Variants in SLC18A1 observed in about 807,000 individuals in gnomAD.
SLC18A1 encodes the protein solute carrier family 18 member A1.
SLC18A1 carries 69 observed loss-of-function variants against 53.7 expected under a neutral mutation model. The observed-to-expected ratio is 1.28, with a 90% CI of 1.06 to 1.57. The LOEUF (loss-of-function observed/expected upper bound fraction) is 1.57, where lower values mean the gene tolerates loss of function less well. Ranked by LOEUF, SLC18A1 falls within the 40% of genes most tolerant of loss-of-function variation. The probability of loss-of-function intolerance (pLI) is 0.00; values close to 1 mark genes in which losing one functional copy is unlikely to be tolerated. For missense variants in SLC18A1, 932 were observed against 668.1 expected, an observed-to-expected ratio of 1.40 and a Z score of -4.35; for synonymous variants, 320 against 248.1, an observed-to-expected ratio of 1.29 and a Z score of -2.72.
chr8:20,166,289 CTATATATATATATATATATATA>C (rs1181101416), intron 8 of SLC18A1, among the ~76,000 whole-genome samples: 1 of 107,256 alleles, frequency 9.3e-6, no homozygotes, highest in Non-Finnish European at 1.9e-5. Flanking sequence ...GTGTGTGTGT[CTATATATATATATATATATATA>C]TATATATATA....
intron 4 of SLC18A1, 118 bp downstream of exon 4, chr8:20,178,317 A>G: frequency 1.4e-6 from 1 of 735,666 alleles, no homozygotes; most frequent in African/African-American, 1.8e-5. Context: ...CCAATATTCC[A>G]GTCTGCTTAG....
At position 20,178,489 on chromosome 8, in the gene SLC18A1, C is replaced by T. The variant is rs778501843; in HGVS notation, c.493G>A (p.Gly165Arg). ...CCAGCAAACATGGGGATATGATATC[C>T]AATCCTAAAAGGGAATTGAAAAAAA... is the stretch of plus-strand genomic sequence containing the variant. ...PFVGPLTNRI[G>R]YHIPMFAGFV... Residue 165 changes from glycine (G) to arginine (R), a missense_variant, in exon 4 of 16, where the codon GGA becomes AGA. Gly to Arg is a moderately radical substitution (Grantham distance 125). Transcript: ENST00000276373. 65 of 1,591,216 alleles carry T rather than the reference C, an allele frequency of 4.1e-5. No homozygotes were observed. The highest frequency in any genetic ancestry group is 5.2e-5 in the Non-Finnish European group (61 of 1,166,060).
intron 12 of SLC18A1, 26 bp from the exon 13 acceptor site, chr8:20,148,096 T>C (rs1236009676): frequency 1.2e-6 from 2 of 1,610,962 alleles, no homozygotes; most frequent in Admixed American, 1.7e-5. Flanking sequence ...GGAAGAGTCA[T>C]CAGGACTCCA....
chr8:20,181,244 C>G (rs1180707699), intron 1 of SLC18A1, among the ~76,000 whole-genome samples, 157 bp from the exon 2 acceptor site: 2 of 152,150 alleles, frequency 1.3e-5, no homozygotes, highest in African/African-American at 2.4e-5. Flanking sequence ...CTATTTATGT[C>G]TGGATTTATA....
At chr8:20,173,314 C>T (rs1041248450) in intron 5 of SLC18A1, among the ~76,000 whole-genome samples, 186 bp from the exon 6 acceptor site, 2 of 152,216 alleles carry the variant, frequency 1.3e-5, no homozygotes, top group African/African-American at 4.8e-5. Context: ...CAAGCCCCCA[C>T]ATTGTCCACT....
At chr8:20,146,074 C>T (rs2071389755) in intron 15 of SLC18A1, among the ~76,000 whole-genome samples, 198 bp from the exon 16 acceptor site, 1 of 152,042 alleles carries the variant, frequency 6.6e-6, no homozygotes, top group African/African-American at 2.4e-5. Flanking sequence ...CATCACCACG[C>T]CAGGCTAATT....
intron 14 of SLC18A1, 56 bp from the exon 15 acceptor site, chr8:20,147,447 C>T (rs2071429873): frequency 2.5e-6 from 4 of 1,582,366 alleles, no homozygotes; most frequent in Non-Finnish European, 3.4e-6. Context: ...ATGGAGCATC[C>T]TCCACGTAGG....
Position 20,145,603 on chromosome 8 carries a change from A to T in SLC18A1, c.*160T>A. On this transcript the variant is annotated 3_prime_UTR_variant, in exon 16 of 16. Transcript: ENST00000276373. ...GGAAGAGCTACAAGTTACACAGGTGAGAAGAGTATCAGGGACAGTGTCCAT... is the reference window on the plus strand; with the variant it reads ...GGAAGAGCTACAAGTTACACAGGTGTGAAGAGTATCAGGGACAGTGTCCAT... 4 of 480,238 alleles carry T rather than the reference A, an allele frequency of 8.3e-6. No individual in the cohort carries two copies. The South Asian group carries it at 1.6e-4, about 19-fold the overall frequency. The allele number at this position is 480,238 out of a possible 1,614,324, so 29.7% of individuals were successfully genotyped here. A position where few individuals can be genotyped will look rare whatever the true frequency, so the allele number is the denominator to read the frequency against.
chr8:20,178,326 A>T, intron 4 of SLC18A1, 109 bp downstream of exon 4: 2 of 804,262 alleles, frequency 2.5e-6, no homozygotes, highest in African/African-American at 1.7e-5. Context: ...CAGTCTGCTT[A>T]GTCAGATGCC....
At chr8:20,182,053 T>C (rs1281929561) in intron 1 of SLC18A1, 1 of 152,212 alleles carries the variant, frequency 6.6e-6, no homozygotes, top group Admixed American at 6.5e-5. Flanking sequence ...CTTCAAGTAA[T>C]AAGAGTTTCT....
chr8:20,176,886 T>C (rs931505751), intron 4 of SLC18A1, among the ~76,000 whole-genome samples: 3 of 152,230 alleles, frequency 2.0e-5, no homozygotes, highest in African/African-American at 4.8e-5. Context: ...AAGGATATCA[T>C]GCTAAAACGT....
intron 10 of SLC18A1, among the ~76,000 whole-genome samples, chr8:20,156,303 A>G (rs1264245352): frequency 1.3e-5 from 2 of 150,472 alleles, no homozygotes; most frequent in African/African-American, 2.5e-5. Context: ...ATCTTAAAGT[A>G]TGGGGCTAGT....
chr8:20,182,001 T>A (rs2072440810), intron 1 of SLC18A1: 1 of 152,240 alleles, frequency 6.6e-6, no homozygotes, highest in Non-Finnish European at 1.5e-5. Flanking sequence ...TATTCAGGAT[T>A]TCATATCATT....
At chr8:20,150,002 A>G (rs150157427) in intron 11 of SLC18A1, among the ~76,000 whole-genome samples, 2 of 152,288 alleles carry the variant, frequency 1.3e-5, no homozygotes, top group African/African-American at 4.8e-5. Context: ...CAGCTGACTC[A>G]GGAGGCACTT....
intron 10 of SLC18A1, among the ~76,000 whole-genome samples, chr8:20,151,815 C>T (rs1334752940): frequency 1.3e-5 from 2 of 152,118 alleles, no homozygotes; most frequent in Non-Finnish European, 1.5e-5. Context: ...TTCATTCATT[C>T]ATTCATTTTA....
Position 20,149,579 on chromosome 8 carries a change from T to A in SLC18A1, c.1146+97A>T, listed in dbSNP as rs1032763168. 1.6e-5 allele frequency: 16 copies of A among 1,017,434 alleles called. No homozygotes were observed. The African/African-American group carries it at 3.0e-4, about 19-fold the overall frequency. The allele number at this position is 1,017,434 out of a possible 1,614,324, so 63.0% of individuals were successfully genotyped here. A position where few individuals can be genotyped will look rare whatever the true frequency, so the allele number is the denominator to read the frequency against. ...CTTTAAATGTCTGTGTCTTTCTCTC[T>A]CTCTCTCTCCCTCTCTCTCTCTCTC... On this transcript the variant is annotated intron_variant, in intron 12 of 15. Transcript: ENST00000276373.
At position 20,145,534 on chromosome 8, in the gene SLC18A1, T is replaced by C; in HGVS notation, c.*229A>G. On this transcript the variant is annotated 3_prime_UTR_variant, in exon 16 of 16. Transcript: ENST00000276373. Reference sequence around the variant, plus strand: ...ACAGCAGCGGGAAGGTGCATCACTCTGTCTTCCCATAAAAGATGGGCCACT... The same window carrying C: ...ACAGCAGCGGGAAGGTGCATCACTCCGTCTTCCCATAAAAGATGGGCCACT... 1 of 375,862 alleles carries C rather than the reference T, an allele frequency of 2.7e-6. No homozygotes were observed. Among genetic ancestry groups the C allele is most frequent in the South Asian group, 7.8e-5 (1 of 12,884 alleles). 23.3% of individuals were successfully genotyped at this position (375,862 alleles called of 1,614,324 possible). A position where few individuals can be genotyped will look rare whatever the true frequency, so the allele number is the denominator to read the frequency against.
At chr8:20,158,807 C>T (rs1160905351) in intron 10 of SLC18A1, among the ~76,000 whole-genome samples, 2 of 152,118 alleles carry the variant, frequency 1.3e-5, no homozygotes, top group African/African-American at 4.8e-5. Flanking sequence ...CAGAGTGACT[C>T]ACAGTCCTGG....
intron 12 of SLC18A1, chr8:20,148,338 CTTG>C (rs1199610268): frequency 2.8e-6 from 2 of 722,934 alleles, no homozygotes; most frequent in Non-Finnish European, 4.2e-6. Context: ...GGACCTCAGA[CTTG>C]GCTCCATTAT....
Sources: allele counts gnomAD v4.1 joint callset (sites outside exome capture counted in the v4.1 genomes callset), GRCh38; gene constraint gnomAD v4.1.1; transcripts MANE v1.5; gene names NCBI Gene and HGNC (gene_info 2026-07-23, HGNC 2026-07-21).